The following KIF3C variants were observed in gnomAD, a reference collection of about 807,000 sequenced individuals.
KIF3C encodes the protein kinesin-like protein KIF3C.
A neutral mutation model predicts 67.7 loss-of-function variants in KIF3C; 12 were observed. That is an observed-to-expected ratio of 0.18 (90% CI 0.11 to 0.29). KIF3C has a LOEUF of 0.29. KIF3C is among the 10% of genes least tolerant of loss of function. The pLI is 1.00. For synonymous variants in KIF3C, 393 were observed against 426.2 expected, an observed-to-expected ratio of 0.92 and a Z score of 0.96; for missense variants, 789 against 1,059.6, an observed-to-expected ratio of 0.74 and a Z score of 3.55.
In KIF3C at chr2:25,982,191, T is replaced by G; in HGVS notation, c.-274A>C. On this transcript the variant is annotated 5_prime_UTR_variant, in exon 1 of 8. Coordinates refer to ENST00000264712, the MANE Select transcript of KIF3C (RefSeq NM_002254.8). ...GGGAGCAGCGCCTGCCGAGCAGCCG[T>G]GCCCGGAGCCCGCCCCATGCAGGAG... 2.3e-6 allele frequency: 1 copy of G among 442,074 alleles called. No individual in the cohort carries two copies. Among genetic ancestry groups the G allele is most frequent in the Non-Finnish European group, 4.0e-6 (1 of 251,716 alleles). 27.4% of individuals were successfully genotyped at this position (442,074 alleles called of 1,614,324 possible).
intron 1 of KIF3C, among the ~76,000 whole-genome samples, chr2:25,959,832 G>A (rs1663901141): frequency 6.6e-6 from 1 of 152,104 alleles, no homozygotes; most frequent in South Asian, 2.1e-4. Flanking sequence ...CTGGCAGGAG[G>A]GGTGGGGTGG....
Position 25,930,046 on chromosome 2 carries a change from T to C in KIF3C, c.2024A>G (p.Lys675Arg). ...VPAGVSSSQM[K>R]KRPTSAVGYK... ...GCCCACTGCAGATGTTGGCCGCTTC[T>C]TCATCTGGCTGCTACTGCTGTAGGA... The change falls in exon 6 of 8, where the codon AAG (lysine) becomes AGG (arginine). Residue 675 changes from lysine (K) to arginine (R), a missense_variant. Physicochemically the swap from Lys to Arg is conservative, Grantham distance 26. Around this residue, in one of 2 missense-constraint regions of KIF3C, gnomAD observed 648 missense variants for 807.8 expected, o/e 0.80. Coordinates refer to ENST00000264712, the MANE Select transcript of KIF3C (RefSeq NM_002254.8). 6.2e-7 allele frequency: 1 copy of C among 1,613,952 alleles called. No individual in the cohort carries two copies. The highest frequency in any genetic ancestry group is 1.3e-5 in the African/African-American group (1 of 75,058).
chr2:25,975,007 C>T (rs561212518), intron 1 of KIF3C, among the ~76,000 whole-genome samples: 6 of 136,974 alleles, frequency 4.4e-5, no homozygotes, highest in African/African-American at 1.7e-4. Flanking sequence ...GCCTGGGCAA[C>T]AAAAGTGAAA....
chr2:25,981,971 G>A lies in KIF3C; in HGVS notation c.-54C>T. ...GCCCCTCCGCAGCCTGGGCGGTCCT[G>A]CTATCCTGCTCGCTAGGTCGGGATC... On this transcript the variant is annotated 5_prime_UTR_variant, in exon 1 of 8. Transcript: ENST00000264712. This position sits in a 1 kb window ranked among gnomAD's most constrained non-coding sequence, Gnocchi z 8.2. 3 of 1,418,206 alleles carry A rather than the reference G, an allele frequency of 2.1e-6. No homozygotes were observed. The highest frequency in any genetic ancestry group is 2.8e-6 in the Non-Finnish European group (3 of 1,062,966). 87.9% of individuals were successfully genotyped at this position (1,418,206 alleles called of 1,614,324 possible).
intron 1 of KIF3C, among the ~76,000 whole-genome samples, chr2:25,971,871 CTTTTTTTTTTTTTTT>C (rs70950146): frequency 3.7e-5 from 2 of 53,810 alleles, no homozygotes; most frequent in African/African-American, 7.3e-5. Flanking sequence ...CCATGCCTAG[CTTTTTTTTTTTTTTT>C]TTTTTTTTTT....
intron 5 of KIF3C, among the ~76,000 whole-genome samples, chr2:25,940,342 G>A (rs917278505): frequency 4.6e-5 from 7 of 151,948 alleles, no homozygotes; most frequent in East Asian, 2.0e-4. Context: ...AGGCTGAGGC[G>A]GGTGGATAAC....
At chr2:25,977,104 A>G (rs1490544863) in intron 1 of KIF3C, among the ~76,000 whole-genome samples, 1 of 152,146 alleles carries the variant, frequency 6.6e-6, no homozygotes, top group African/African-American at 2.4e-5. Flanking sequence ...ACTGATCACA[A>G]TCACAAACTC....
intron 1 of KIF3C, among the ~76,000 whole-genome samples, chr2:25,973,106 C>T (rs1435097413): frequency 5.3e-5 from 8 of 152,154 alleles, no homozygotes; most frequent in African/African-American, 1.7e-4. Flanking sequence ...CAATTAAGGG[C>T]CTTTAAGAGA....
intron 5 of KIF3C, among the ~76,000 whole-genome samples, chr2:25,947,204 T>TA (rs764905209): frequency 6.6e-6 from 1 of 152,044 alleles, no homozygotes; most frequent in Non-Finnish European, 1.5e-5. Flanking sequence ...AAGATCAGGG[T>TA]AAAAAAGACA....
At chr2:25,949,939 C>G (rs1254325957) in intron 5 of KIF3C, among the ~76,000 whole-genome samples, 1 of 151,574 alleles carries the variant, frequency 6.6e-6, no homozygotes, top group East Asian at 2.0e-4. Flanking sequence ...CCACTGCACT[C>G]CAGCCTGGGC....
At chr2:25,941,582 C>CA (rs964733342) in intron 5 of KIF3C, among the ~76,000 whole-genome samples, 1 of 150,326 alleles carries the variant, frequency 6.7e-6, no homozygotes, top group East Asian at 2.0e-4. Flanking sequence ...AAGAAGAAGA[C>CA]AATTTTACCT....
Position 25,981,376 on chromosome 2 carries a change from G to T in KIF3C, c.542C>A (p.Ser181Tyr). 1 of 1,614,194 alleles carries T rather than the reference G, an allele frequency of 6.2e-7. No homozygotes were observed. Among genetic ancestry groups the T allele is most frequent in the Non-Finnish European group, 8.5e-7 (1 of 1,180,038 alleles). The change falls in exon 1 of 8, where the codon TCC (serine) becomes TAC (tyrosine). Residue 181 changes from serine to tyrosine, a missense_variant. By Grantham distance (144) the Ser-to-Tyr change is moderately radical. Around this residue, in one of 2 missense-constraint regions of KIF3C, gnomAD observed 141 missense variants for 251.8 expected, o/e 0.56. Coordinates refer to ENST00000264712, the MANE Select transcript of KIF3C (RefSeq NM_002254.8). The surrounding 1 kb of genome is among the most constrained non-coding windows in gnomAD (Gnocchi z 8.2). ...CTTGACATTCTTGGTGACGAAGGAGGAGAGGTCCTTGATGTAGACGCCAGT... is the reference window on the plus strand; with the variant it reads ...CTTGACATTCTTGGTGACGAAGGAGTAGAGGTCCTTGATGTAGACGCCAGT... Reference protein sequence around the residue: ...PETGVYIKDLSSFVTKNVKEI... With the variant: ...PETGVYIKDLYSFVTKNVKEI...
intron 1 of KIF3C, among the ~76,000 whole-genome samples, chr2:25,957,340 C>G (rs1663832251): frequency 6.6e-6 from 1 of 152,198 alleles, no homozygotes; most frequent in South Asian, 2.1e-4. Context: ...GCTTTGGAAT[C>G]TGAAGCTGAA....
At position 25,927,878 on chromosome 2, in the gene KIF3C, C is replaced by A. The variant is rs143050281; in HGVS notation, c.*1100G>T. 6.6e-6 allele frequency: 1 copy of A among 152,470 alleles called. No individual in the cohort carries two copies. Among genetic ancestry groups the A allele is most frequent in the Admixed American group, 6.6e-5 (1 of 15,250 alleles). 9.4% of individuals were successfully genotyped at this position (152,470 alleles called of 1,614,324 possible). On this transcript the variant is annotated 3_prime_UTR_variant, in exon 8 of 8. Coordinates refer to ENST00000264712, the MANE Select transcript of KIF3C (RefSeq NM_002254.8). ...GAGTATCCCCCTAGGAACCAATTTG[C>A]GTAACTAGTGAATAAAGGATCTATT...
chr2:25,949,511 T>C (rs1174679490), intron 5 of KIF3C, among the ~76,000 whole-genome samples: 1 of 151,886 alleles, frequency 6.6e-6, no homozygotes, highest in East Asian at 1.9e-4. Flanking sequence ...ACCACTGCAC[T>C]CCAGCCAGGG....
At chr2:25,968,123 A>T (rs1314057091) in intron 1 of KIF3C, among the ~76,000 whole-genome samples, 1 of 152,206 alleles carries the variant, frequency 6.6e-6, no homozygotes, top group Middle Eastern at 3.2e-3. Context: ...TAAGGGAAGA[A>T]GAAATGAAAG....
intron 1 of KIF3C, among the ~76,000 whole-genome samples, chr2:25,969,673 A>G (rs1216552893): frequency 6.6e-6 from 1 of 152,038 alleles, no homozygotes; most frequent in African/African-American, 2.4e-5. Flanking sequence ...AACTATACCT[A>G]CTGATTTATG....
chr2:25,946,320 C>T (rs1482470480), intron 5 of KIF3C, among the ~76,000 whole-genome samples: 1 of 151,974 alleles, frequency 6.6e-6, no homozygotes, highest in African/African-American at 2.4e-5. Context: ...TTTGGGAGGC[C>T]AAGGTGGGCG....
chr2:25,939,685 C>T (rs1376199148), intron 5 of KIF3C, among the ~76,000 whole-genome samples: 1 of 152,178 alleles, frequency 6.6e-6, no homozygotes, highest in Non-Finnish European at 1.5e-5. Context: ...GGTGAGGTGG[C>T]TTACACCTGT....
Sources: gnomAD v4.1 joint callset for allele counts (sites outside exome capture counted in the v4.1 genomes callset) on GRCh38, gnomAD v4.1.1 for gene constraint, gnomAD v4.1.1 regional missense constraint, Gnocchi (gnomAD v3.1) non-coding constraint, MANE v1.5 for transcripts, NCBI Gene and HGNC (gene_info 2026-07-23, HGNC 2026-07-21) for gene names.